Variants in CHLSN observed in about 807,000 individuals in gnomAD.
CHLSN encodes the protein protein cholesin.
At chr7:1,061,259 G>C in the CHLSN span, among the ~76,000 whole-genome samples, 1 of 152,106 alleles carries the variant, frequency 6.6e-6, no homozygotes, top group African/African-American at 2.4e-5. Context: ...CCTGCTGGGT[G>C]GCCCTGTGGA....
the CHLSN span, chr7:1,092,033 C>A: frequency 1.9e-6 from 3 of 1,613,940 alleles, no homozygotes; most frequent in East Asian, 2.2e-5. Flanking sequence ...ATCAACCTGG[C>A]GGTGGCGGAC....
the CHLSN span, chr7:1,028,229 G>C: frequency 4.1e-5 from 44 of 1,082,572 alleles, no homozygotes; most frequent in Admixed American, 9.7e-4. Context: ...CCTGCAGCCC[G>C]AATGCGGGCC....
chr7:1,039,048 G>T, the CHLSN span, among the ~76,000 whole-genome samples: 1 of 83,348 alleles, frequency 1.2e-5, no homozygotes. Context: ...GCCCCGTCCG[G>T]GAGGGAGGTG....
the CHLSN span, among the ~76,000 whole-genome samples, chr7:1,130,031 G>A: frequency 6.6e-6 from 1 of 152,178 alleles, no homozygotes; most frequent in Non-Finnish European, 1.5e-5. Flanking sequence ...GCCCATCACA[G>A]GACACCTGGC....
At chr7:1,053,332 G>A in the CHLSN span, among the ~76,000 whole-genome samples, 1 of 152,372 alleles carries the variant, frequency 6.6e-6, no homozygotes, top group African/African-American at 2.4e-5. Context: ...GTCCACAGTA[G>A]AGCCCAGAAC....
the CHLSN span, among the ~76,000 whole-genome samples, chr7:1,059,822 G>A: frequency 1.6e-4 from 8 of 48,988 alleles, no homozygotes; most frequent in African/African-American, 6.0e-4. Context: ...CGGGTCTGTA[G>A]TGGGGCGGGT....
the CHLSN span, among the ~76,000 whole-genome samples, chr7:1,019,794 G>A: frequency 6.6e-6 from 1 of 152,244 alleles, no homozygotes; most frequent in African/African-American, 2.4e-5. Context: ...TCTCCTGATG[G>A]AGTGTGGGGG....
the CHLSN span, among the ~76,000 whole-genome samples, chr7:1,127,791 A>G: frequency 0.022 from 1,133 of 50,484 alleles, 26 homozygotes; most frequent in African/African-American, 0.036. Flanking sequence ...GTGCAGTGGC[A>G]CGATCTCGGC....
At chr7:1,135,252 CTT>C in the CHLSN span, among the ~76,000 whole-genome samples, 1 of 152,124 alleles carries the variant, frequency 6.6e-6, no homozygotes, top group Non-Finnish European at 1.5e-5. Flanking sequence ...ACGCTGATGA[CTT>C]TGTTTCCTCT....
the CHLSN span, among the ~76,000 whole-genome samples, chr7:1,101,961 AC>A: frequency 2.0e-5 from 3 of 152,258 alleles, no homozygotes; most frequent in Admixed American, 6.5e-5. Flanking sequence ...CGAGCCAGGA[AC>A]AAGCTGCAGT....
At chr7:1,023,678 C>CACACACACACACACACA in the CHLSN span, among the ~76,000 whole-genome samples, 9 of 144,542 alleles carry the variant, frequency 6.2e-5, no homozygotes, top group East Asian at 5.9e-4. This position sits in a 1 kb window ranked among gnomAD's most constrained non-coding sequence, Gnocchi z 5.0. Context: ...CACACACACA[C>CACACACACACACACACA]CAGCAACGCG....
the CHLSN span, chr7:1,093,385 T>TA: frequency 2.3e-6 from 1 of 444,050 alleles, no homozygotes; most frequent in South Asian, 1.6e-5. Context: ...ACCGCCGAGT[T>TA]AAAGAGGAGA....
chr7:1,061,465 C>T, the CHLSN span, among the ~76,000 whole-genome samples: 1 of 152,160 alleles, frequency 6.6e-6, no homozygotes, highest in Non-Finnish European at 1.5e-5. Context: ...CTGCCTGAGA[C>T]CCTCCACTGA....
At chr7:1,009,975 CG>C in the CHLSN span, 3 of 1,571,828 alleles carry the variant, frequency 1.9e-6, no homozygotes, top group Non-Finnish European at 2.6e-6. Context: ...AGGGCCAGTT[CG>C]GCCCCCGAGC....
At chr7:1,136,566 A>ATATATAAATATATG in the CHLSN span, among the ~76,000 whole-genome samples, 2,875 of 46,962 alleles carry the variant, frequency 0.061, 218 homozygotes, top group African/African-American at 0.16. Context: ...ATATAAACAT[A>ATATATAAATATATG]TAAACATAAA....
the CHLSN span, among the ~76,000 whole-genome samples, chr7:987,961 T>A: frequency 8.3e-6 from 1 of 120,828 alleles, no homozygotes; most frequent in Non-Finnish European, 1.6e-5. Flanking sequence ...GTCCTGGGGG[T>A]CCCCTCTGTG....
At chr7:1,121,038 A>ACAAAAACGGAT in the CHLSN span, among the ~76,000 whole-genome samples, 1 of 151,140 alleles carries the variant, frequency 6.6e-6, no homozygotes, top group East Asian at 2.0e-4. Flanking sequence ...TTACTCAGCC[A>ACAAAAACGGAT]CAAAAACGGA....
chr7:1,010,100 A>G, the CHLSN span: 1 of 1,612,888 alleles, frequency 6.2e-7, no homozygotes, highest in Non-Finnish European at 8.5e-7. Context: ...CTCTGGGGAC[A>G]GCTCTGGCTC....
At chr7:1,090,109 A>C in the CHLSN span, among the ~76,000 whole-genome samples, 1 of 152,184 alleles carries the variant, frequency 6.6e-6, no homozygotes, top group Non-Finnish European at 1.5e-5. Context: ...AATGATTTCA[A>C]AAGGTAAAAT....
Sources: gnomAD v4.1 joint callset for allele counts (sites outside exome capture counted in the v4.1 genomes callset) on GRCh38, gnomAD v4.1.1 for gene constraint, Gnocchi (gnomAD v3.1) non-coding constraint, MANE v1.5 for transcripts, NCBI Gene and HGNC (gene_info 2026-07-23, HGNC 2026-07-21) for gene names.